The following COL28A1 variants were observed in gnomAD, a reference collection of about 807,000 sequenced individuals.
The protein encoded by COL28A1 is collagen type XXVIII alpha 1 chain.
COL28A1 carries 161 observed loss-of-function variants against 150.2 expected under a neutral mutation model. That is an observed-to-expected ratio of 1.07 (90% CI 0.94 to 1.22). The LOEUF (loss-of-function observed/expected upper bound fraction) is 1.22. Ranked by LOEUF, COL28A1 falls within the 50% of genes most tolerant of loss-of-function variation. COL28A1 has a pLI of 0.00. For synonymous variants in COL28A1, 552 were observed against 469.7 expected (o/e 1.18, Z -2.26); for missense variants, 1,617 against 1,388.3 (o/e 1.16, Z -2.62).
chr7:7,502,237 T>C (rs778120384), intron 11 of COL28A1, among the ~76,000 whole-genome samples: 1 of 152,106 alleles, frequency 6.6e-6, no homozygotes, highest in Non-Finnish European at 1.5e-5. Flanking sequence ...GACCTTCCTG[T>C]GTGGTAGAGG....
the COL28A1 span, among the ~76,000 whole-genome samples, chr7:7,543,576 C>A: frequency 1.3e-5 from 2 of 152,114 alleles, no homozygotes; most frequent in Non-Finnish European, 2.9e-5. Flanking sequence ...TGTGACATCA[C>A]TGAACACAGG....
At chr7:7,363,108 C>A (rs1305157718) in intron 33 of COL28A1, among the ~76,000 whole-genome samples, 1 of 152,010 alleles carries the variant, frequency 6.6e-6, no homozygotes, top group Non-Finnish European at 1.5e-5. Context: ...TTTTAAGCAA[C>A]AAATAAAAGT....
At chr7:7,416,551 C>G (rs978611693) in intron 27 of COL28A1, among the ~76,000 whole-genome samples, 2 of 152,230 alleles carry the variant, frequency 1.3e-5, no homozygotes, top group African/African-American at 2.4e-5. Flanking sequence ...AGCACTACCA[C>G]CTTCTAACCA....
Position 7,473,360 on chromosome 7 carries a change from C to T in COL28A1, c.1302+1241G>A, listed in dbSNP as rs536393291. Among the ~76,000 whole-genome samples the T allele has an allele frequency of 1.4e-4, 21 of 152,014 alleles. No homozygotes were observed. In the South Asian group the frequency reaches 4.0e-3, roughly 29 times the overall value. On this transcript the variant is annotated intron_variant, in intron 15 of 34. Transcript: ENST00000399429. The stretch of plus-strand genomic sequence containing the variant: ...ATTATCAAGAAAAAAACAAATAATC[C>T]CATCAAAAAGTGGGCTAAGGACATG...
chr7:7,384,789 A>G (rs1242794658), intron 27 of COL28A1, among the ~76,000 whole-genome samples: 1 of 152,188 alleles, frequency 6.6e-6, no homozygotes, highest in South Asian at 2.1e-4. Flanking sequence ...CCAGTTAAAT[A>G]AACCCTAAAC....
At chr7:7,497,991 G>T (rs1001638184) in intron 11 of COL28A1, among the ~76,000 whole-genome samples, 9 of 152,134 alleles carry the variant, frequency 5.9e-5, no homozygotes, top group African/African-American at 2.2e-4. Flanking sequence ...CTACGTACTT[G>T]TGCTTTCTAA....
At chr7:7,520,731 T>C (rs965143429) in intron 5 of COL28A1, among the ~76,000 whole-genome samples, 12 of 152,214 alleles carry the variant, frequency 7.9e-5, no homozygotes, top group African/African-American at 2.7e-4. Context: ...CCTACTAAAA[T>C]GTGACAAGAA....
intron 23 of COL28A1, among the ~76,000 whole-genome samples, chr7:7,433,169 C>G (rs1410312132): frequency 6.6e-6 from 1 of 152,084 alleles, no homozygotes; most frequent in East Asian, 1.9e-4. Context: ...GCATCAAAAA[C>G]TTTTAGTAAC....
chr7:7,423,046 G>A (rs1390346389), intron 25 of COL28A1, among the ~76,000 whole-genome samples: 1 of 152,196 alleles, frequency 6.6e-6, no homozygotes, highest in East Asian at 1.9e-4. Context: ...AGACAAGCTT[G>A]GAAATGTGAA....
At chr7:7,345,608 C>T in the COL28A1 span, among the ~76,000 whole-genome samples, 1 of 151,994 alleles carries the variant, frequency 6.6e-6, no homozygotes, top group Non-Finnish European at 1.5e-5. Flanking sequence ...AGAACAGTTT[C>T]ACTGGTATCA....
chr7:7,382,310 C>CA (rs558127821), intron 27 of COL28A1, among the ~76,000 whole-genome samples: 4,740 of 136,706 alleles, frequency 0.035, 115 homozygotes, highest in Middle Eastern at 0.055. Context: ...AACTCTATCT[C>CA]AAAAAAAAAA....
At position 7,417,884 on chromosome 7, in the gene COL28A1, G is replaced by C. The variant is rs1035150463; in HGVS notation, c.2111C>G (p.Pro704Arg). The C allele has an allele frequency of 6.2e-7, 1 of 1,612,156 alleles. No individual in the cohort carries two copies. The highest frequency in any genetic ancestry group is 1.3e-5 in the African/African-American group (1 of 74,984). The stretch of plus-strand genomic sequence containing the variant: ...TTTAATTCCCTGTGATCCATAGCCA[G>C]GGGGGCCAGGAGGGCCAGGCAAGCC... ...QKGLPGPPGP[P>R]GYGSQGIKGE... The change falls in exon 27 of 35, where the codon CCT becomes CGT. Residue 704 changes from proline (P) to arginine (R), a missense_variant. Coordinates refer to ENST00000399429, the MANE Select transcript of COL28A1 (RefSeq NM_001037763.3).
intron 27 of COL28A1, among the ~76,000 whole-genome samples, chr7:7,409,790 T>C (rs1284735776): frequency 1.3e-5 from 2 of 152,170 alleles, no homozygotes; most frequent in Admixed American, 1.3e-4. Flanking sequence ...CATGGCAGTG[T>C]AGGGAGTGTG....
rs185646951 is a variant in COL28A1 at position 7,501,261 on chromosome 7, G to T, written c.1026+4753C>A. Among the ~76,000 whole-genome samples, 3 of 152,268 alleles carry T rather than the reference G, an allele frequency of 2.0e-5. No homozygotes were observed. In the East Asian group the frequency reaches 5.8e-4, roughly 29 times the overall value. ...AATGGAAGGAGTTAGGAGAAGGGAG[G>T]CAATTCATTTTTTAAGATAAATATA... is the stretch of plus-strand genomic sequence containing the variant. On this transcript the variant is annotated intron_variant, in intron 11 of 34. Coordinates refer to ENST00000399429, the MANE Select transcript of COL28A1 (RefSeq NM_001037763.3).
At chr7:7,419,618 C>T (rs542910779) in intron 26 of COL28A1, among the ~76,000 whole-genome samples, 1 of 152,296 alleles carries the variant, frequency 6.6e-6, no homozygotes, top group South Asian at 2.1e-4. Flanking sequence ...ACGGCACAGC[C>T]TCTAAGAAAC....
chr7:7,445,327 G>C (rs1370079563), intron 18 of COL28A1, among the ~76,000 whole-genome samples: 1 of 152,178 alleles, frequency 6.6e-6, no homozygotes, highest in Admixed American at 6.5e-5. Flanking sequence ...GCGTCTGCTA[G>C]GCAAGGCATG....
At chr7:7,491,314 A>T (rs1052181973) in intron 11 of COL28A1, among the ~76,000 whole-genome samples, 2 of 152,182 alleles carry the variant, frequency 1.3e-5, no homozygotes, top group African/African-American at 4.8e-5. Flanking sequence ...GAAGGACCTT[A>T]CTGGATGCAA....
chr7:7,342,972 C>T, the COL28A1 span, among the ~76,000 whole-genome samples: 419 of 151,854 alleles, frequency 2.8e-3, 1 homozygote, highest in Non-Finnish European at 4.4e-3. Flanking sequence ...CCTATTTCAC[C>T]CTCATACCAG....
At position 7,380,871 on chromosome 7, in the gene COL28A1, A is replaced by C. The variant is rs374999356; in HGVS notation, c.2206-9T>G. 5.1e-5 allele frequency: 81 copies of C among 1,603,090 alleles called. No individual in the cohort carries two copies. The highest frequency in any genetic ancestry group is 6.5e-5 in the Non-Finnish European group (76 of 1,170,502). ...CGTTCTCCGTGCTCTCCCTTTACAC[A>C]ATAGGGTAAAATGATAGGTTCAGAA... On this transcript the variant is annotated splice_polypyrimidine_tract_variant and intron_variant, in intron 28 of 34. Coordinates refer to ENST00000399429, the MANE Select transcript of COL28A1 (RefSeq NM_001037763.3).
Sources: allele counts gnomAD v4.1 joint callset (sites outside exome capture counted in the v4.1 genomes callset), GRCh38; gene constraint gnomAD v4.1.1; transcripts MANE v1.5; gene names NCBI Gene and HGNC (gene_info 2026-07-23, HGNC 2026-07-21).